AMMECR1: variants seen among roughly 807,000 people sequenced by gnomAD.
The protein encoded by AMMECR1 is AMMECR nuclear protein 1.
AMMECR1 carries 3 observed loss-of-function variants against 22.5 expected under a neutral mutation model. The ratio of observed to expected loss-of-function variants is 0.13; its 90% confidence interval spans 0.06 to 0.35. The LOEUF is 0.35. AMMECR1 is among the 10% of genes least tolerant of loss of function. The probability of loss-of-function intolerance (pLI) is 1.00; values close to 1 mark genes in which losing one functional copy is unlikely to be tolerated. For synonymous variants in AMMECR1, 130 were observed against 116.7 expected (o/e 1.11, Z -0.74); for missense variants, 235 against 278.7 (o/e 0.84, Z 1.12).
At position 110,195,786 on chromosome X, in the gene AMMECR1, T is replaced by C. The variant is rs187346367; in HGVS notation, c.*2734A>G. The stretch of plus-strand genomic sequence containing the variant: ...ATGTTCAAAGTTAATTCATACCACA[T>C]AATTAACAGCTTTGTATATACGACA... On this transcript the variant is annotated 3_prime_UTR_variant, in exon 6 of 6. Coordinates refer to ENST00000262844, the MANE Select transcript of AMMECR1 (RefSeq NM_015365.3). 2.7e-5 allele frequency: 3 copies of C among 112,535 alleles called. No individual in the cohort carries two copies. The Admixed American group carries it at 2.8e-4, about 11-fold the overall frequency. The allele number at this position is 112,535 out of a possible 1,213,427, so 9.3% of individuals were successfully genotyped here.
At chrX:110,328,642 G>A (rs1181220367) in intron 2 of AMMECR1, among the ~76,000 whole-genome samples, 6 of 105,610 alleles carry the variant, frequency 5.7e-5, no homozygotes, top group Non-Finnish European at 9.7e-5. Flanking sequence ...ACAGGCCCCA[G>A]TGTGTGATGT....
chrX:110,220,188 CTG>C (rs2067493664), intron 2 of AMMECR1, among the ~76,000 whole-genome samples: 1 of 112,057 alleles, frequency 8.9e-6, no homozygotes, highest in Admixed American at 9.5e-5. Flanking sequence ...AGGGATACAA[CTG>C]AGATTTTCTG....
At chrX:110,416,071 C>A (rs1174656563) in intron 2 of AMMECR1, among the ~76,000 whole-genome samples, 1 of 109,991 alleles carries the variant, frequency 9.1e-6, no homozygotes, top group Admixed American at 9.6e-5. Context: ...TGGGTGCTTA[C>A]TCACTCTGCC....
chrX:110,260,601 A>G (rs2067735486), intron 2 of AMMECR1, among the ~76,000 whole-genome samples: 1 of 111,445 alleles, frequency 9.0e-6, no homozygotes, highest in Non-Finnish European at 1.9e-5. Context: ...TAGGCATTTC[A>G]TTTTAAAAAA....
At chrX:110,319,452 C>T (rs1208648018), upstream of AMMECR1, among the ~76,000 whole-genome samples, 1 of 111,909 alleles carries the variant, frequency 8.9e-6, no homozygotes, top group African/African-American at 3.3e-5. Flanking sequence ...AATATTGAGC[C>T]TCTGCACCAT....
At chrX:110,267,387 C>T (rs770416152) in intron 1 of AMMECR1, among the ~76,000 whole-genome samples, 1 of 106,526 alleles carries the variant, frequency 9.4e-6, no homozygotes, top group Admixed American at 1.0e-4. Context: ...CCTGTCTCTT[C>T]TTTTTTTTTA....
At chrX:110,432,594 T>G (rs1281292463) in intron 1 of AMMECR1, among the ~76,000 whole-genome samples, 1 of 112,240 alleles carries the variant, frequency 8.9e-6, no homozygotes, top group African/African-American at 3.2e-5. Context: ...TTCACTGTAT[T>G]GTGTGCTGGC....
intron 2 of AMMECR1, chrX:110,358,682 A>G (rs947917428): frequency 8.9e-6 from 1 of 111,918 alleles, no homozygotes. Flanking sequence ...ATTCACTCCT[A>G]TCTGTTCTCA....
intron 1 of AMMECR1, among the ~76,000 whole-genome samples, chrX:110,435,347 A>T (rs73542220): frequency 0.039 from 4,371 of 111,388 alleles, 219 homozygotes; most frequent in African/African-American, 0.14. Flanking sequence ...AAAGACCACA[A>T]CTCTACAGTG....
Position 110,251,533 on chromosome X carries a change from G to A in AMMECR1, c.584+12956C>T, listed in dbSNP as rs1024692708. On this transcript the variant is annotated intron_variant, in intron 2 of 5. Coordinates refer to ENST00000262844, the MANE Select transcript of AMMECR1 (RefSeq NM_015365.3). ...ATGGGTTTTCCTCTCTGGTGATAAG[G>A]AATAACAGGCACTGTTTTAAGGAGA... Among the ~76,000 whole-genome samples the A allele has an allele frequency of 5.3e-5, 6 of 112,266 alleles. 1 individual carries two copies. The Admixed American group carries it at 5.7e-4, about 11-fold the overall frequency.
At chrX:110,417,541 T>A (rs1332646299) in intron 2 of AMMECR1, among the ~76,000 whole-genome samples, 1 of 112,049 alleles carries the variant, frequency 8.9e-6, no homozygotes, top group Non-Finnish European at 1.9e-5. Context: ...TTATTATGTC[T>A]TTGCATCTTC....
chrX:110,402,860 A>T (rs1332150226), intron 2 of AMMECR1, among the ~76,000 whole-genome samples: 1 of 112,098 alleles, frequency 8.9e-6, no homozygotes, highest in Non-Finnish European at 1.9e-5. Flanking sequence ...CATGATTAGG[A>T]ACAGAAGAAT....
At chrX:110,301,875 A>G (rs1338706571) in intron 1 of AMMECR1, among the ~76,000 whole-genome samples, 2 of 112,292 alleles carry the variant, frequency 1.8e-5, no homozygotes, top group African/African-American at 3.2e-5. Flanking sequence ...CATATTAGAA[A>G]AAAAATTTTA....
rs138365266 is a variant in AMMECR1, at chrX:110,251,201, A to G, written c.584+13288T>C. Among the ~76,000 whole-genome samples, 466 of 112,475 alleles carry G rather than the reference A, an allele frequency of 4.1e-3. 21 individuals carry two copies. The East Asian group carries it at 0.098, about 24-fold the overall frequency. Reference sequence around the variant, plus strand: ...TGCTTGGTAAACTACTGTGGAGCGCAATTTCAAAAGGGAGAGACAAACATA... The same window carrying G: ...TGCTTGGTAAACTACTGTGGAGCGCGATTTCAAAAGGGAGAGACAAACATA... On this transcript the variant is annotated intron_variant, in intron 2 of 5. Coordinates refer to ENST00000262844, the MANE Select transcript of AMMECR1 (RefSeq NM_015365.3).
Position 110,327,005 on chromosome X carries a change from A to G in AMMECR1, c.-147-9156T>C, listed in dbSNP as rs186188382. ...CTAGATTTCTGGTTTGGGTAAACAAATAAGTGGTGATGACATATTGGCATG... is the reference window on the plus strand; with the variant it reads ...CTAGATTTCTGGTTTGGGTAAACAAGTAAGTGGTGATGACATATTGGCATG... On this transcript the variant is annotated intron_variant, in intron 2 of 7. Transcript: ENST00000372057. Among the ~76,000 whole-genome samples, 4 of 112,295 alleles carry G rather than the reference A, an allele frequency of 3.6e-5. No individual in the cohort carries two copies. The East Asian group carries it at 1.1e-3, about 31-fold the overall frequency.
chrX:110,351,364 A>G (rs1282853975), intron 2 of AMMECR1, among the ~76,000 whole-genome samples: 1 of 112,397 alleles, frequency 8.9e-6, no homozygotes, highest in Non-Finnish European at 1.9e-5. Context: ...AGCTACAACA[A>G]TCAGTATGGT....
At chrX:110,260,274 C>T (rs916783761) in intron 2 of AMMECR1, among the ~76,000 whole-genome samples, 12 of 111,505 alleles carry the variant, frequency 1.1e-4, no homozygotes, top group Non-Finnish European at 2.1e-4. Flanking sequence ...TTTTCATTAC[C>T]TACACAAATA....
intron 1 of AMMECR1, among the ~76,000 whole-genome samples, chrX:110,283,665 G>A (rs759448968): frequency 4.5e-5 from 5 of 111,613 alleles, no homozygotes; most frequent in South Asian, 3.8e-4. Flanking sequence ...CCACCTTTGT[G>A]ATCTAATCAC....
At chrX:110,254,583 T>C (rs186905498) in intron 2 of AMMECR1, among the ~76,000 whole-genome samples, 2 of 110,641 alleles carry the variant, frequency 1.8e-5, no homozygotes, top group Admixed American at 1.9e-4. Context: ...GTGGAATACT[T>C]CTAGTCAGAC....
Sources: gnomAD v4.1 joint callset for allele counts (sites outside exome capture counted in the v4.1 genomes callset) on GRCh38, gnomAD v4.1.1 for gene constraint, MANE v1.5 for transcripts, NCBI Gene and HGNC (gene_info 2026-07-23, HGNC 2026-07-21) for gene names.